PRTG: variants seen among roughly 807,000 people sequenced by gnomAD.
The protein encoded by PRTG is immunoglobulin superfamily, DCC subclass, member 5.
In PRTG, 67 loss-of-function variants were observed where a neutral mutation model predicts 122.5. The ratio of observed to expected loss-of-function variants is 0.55; its 90% CI spans 0.45 to 0.67. The LOEUF is 0.67. PRTG is among the 30% of genes least tolerant of loss of function. The pLI is 0.00. For missense variants in PRTG, 1,435 were observed against 1,415.4 expected (o/e 1.01, Z -0.22); for synonymous variants, 554 against 501.1 (o/e 1.11, Z -1.41).
Position 55,743,124 on chromosome 15 carries a change from G to C in PRTG, c.-193C>G. ...CGGACGGCCGCTCGCGAGAAGCAAG[G>C]GGCCTGAGAGTCCGGCTGGGGGCGG... On this transcript the variant is annotated 5_prime_UTR_variant, in exon 1 of 20. Transcript: ENST00000389286. 3 of 1,262,760 alleles carry C rather than the reference G, an allele frequency of 2.4e-6. No individual in the cohort carries two copies. Among genetic ancestry groups the C allele is most frequent in the Non-Finnish European group, 3.0e-6 (3 of 1,007,922 alleles). 78.2% of individuals were successfully genotyped at this position (1,262,760 alleles called of 1,614,324 possible). A position where few individuals can be genotyped will look rare whatever the true frequency, so the allele number is the denominator to read the frequency against.
chr15:55,738,856 G>A (rs2031520342), intron 2 of PRTG, among the ~76,000 whole-genome samples: 1 of 143,096 alleles, frequency 7.0e-6, no homozygotes, highest in Admixed American at 7.1e-5. Context: ...AGGCAGAGGA[G>A]GGGAGGGAAG....
At chr15:55,701,149 G>A (rs2059661126) in intron 2 of PRTG, among the ~76,000 whole-genome samples, 1 of 152,180 alleles carries the variant, frequency 6.6e-6, no homozygotes, top group South Asian at 2.1e-4. Flanking sequence ...TGGAGTACCT[G>A]GAACTCTGAT....
chr15:55,734,967 G>A (rs1595686448), intron 2 of PRTG, among the ~76,000 whole-genome samples: 1 of 152,132 alleles, frequency 6.6e-6, no homozygotes, highest in Non-Finnish European at 1.5e-5. Context: ...TCTGCTCTGT[G>A]CAGCATACCA....
chr15:55,668,790 C>A (rs1432155681), intron 11 of PRTG, among the ~76,000 whole-genome samples: 2 of 152,008 alleles, frequency 1.3e-5, no homozygotes, highest in Non-Finnish European at 2.9e-5. Flanking sequence ...ATGAAAGACA[C>A]AATAATCTTT....
At chr15:55,701,500 C>A (rs978690027) in intron 2 of PRTG, among the ~76,000 whole-genome samples, 6 of 152,106 alleles carry the variant, frequency 3.9e-5, no homozygotes, top group African/African-American at 1.4e-4. Context: ...CGCCACTGCA[C>A]CCCAGCCTGG....
intron 2 of PRTG, among the ~76,000 whole-genome samples, chr15:55,689,973 A>T (rs1359568328): frequency 1.3e-5 from 2 of 152,158 alleles, no homozygotes; most frequent in African/African-American, 4.8e-5. Flanking sequence ...TTCAAAACCA[A>T]ACTGTTTTTA....
At chr15:55,710,474 T>C (rs1412788404) in intron 2 of PRTG, among the ~76,000 whole-genome samples, 3 of 152,200 alleles carry the variant, frequency 2.0e-5, no homozygotes, top group African/African-American at 7.2e-5. Flanking sequence ...ACCACTAAAT[T>C]ACTCACATTC....
At chr15:55,656,741 C>G (rs1287010407) in intron 11 of PRTG, among the ~76,000 whole-genome samples, 1 of 152,226 alleles carries the variant, frequency 6.6e-6, no homozygotes, top group African/African-American at 2.4e-5. Context: ...ATCTCCTGAC[C>G]TCATGATCTG....
chr15:55,679,140 A>G (rs1335892619), intron 7 of PRTG, 146 bp downstream of exon 7: 10 of 567,894 alleles, frequency 1.8e-5, no homozygotes, highest in Non-Finnish European at 2.5e-5. Flanking sequence ...TGATAATGTT[A>G]TAAGTCTTAA....
At chr15:55,620,820 C>CT (rs1343055616) in intron 18 of PRTG, 53 bp from the exon 19 acceptor site, 13 of 1,464,456 alleles carry the variant, frequency 8.9e-6, no homozygotes, top group Non-Finnish European at 1.2e-5. Flanking sequence ...ACAGATTTCA[C>CT]TTTATCACAA....
At chr15:55,699,596 A>G (rs145503067) in intron 2 of PRTG, among the ~76,000 whole-genome samples, 5 of 152,342 alleles carry the variant, frequency 3.3e-5, no homozygotes, top group African/African-American at 1.2e-4. Context: ...TATTTTGTAC[A>G]TTTCAGTTCT....
intron 2 of PRTG, among the ~76,000 whole-genome samples, chr15:55,718,329 C>T (rs1193547170): frequency 6.6e-6 from 1 of 152,074 alleles, no homozygotes; most frequent in African/African-American, 2.4e-5. Flanking sequence ...ACACATCCGT[C>T]CCTCCCTAGT....
intron 2 of PRTG, among the ~76,000 whole-genome samples, chr15:55,732,824 T>A (rs2031282269): frequency 6.6e-6 from 1 of 152,100 alleles, no homozygotes; most frequent in African/African-American, 2.4e-5. Flanking sequence ...TTTCAATGTA[T>A]TATGTGTGTG....
intron 2 of PRTG, among the ~76,000 whole-genome samples, chr15:55,735,026 CT>C (rs1391357040): frequency 6.6e-6 from 1 of 152,106 alleles, no homozygotes; most frequent in African/African-American, 2.4e-5. Flanking sequence ...CAGCATCTTC[CT>C]TTTCCTTTCT....
intron 11 of PRTG, among the ~76,000 whole-genome samples, chr15:55,663,805 G>C (rs2059423088): frequency 7.9e-5 from 12 of 152,098 alleles, no homozygotes; most frequent in Admixed American, 7.9e-4. Flanking sequence ...GCCTCCCAAA[G>C]TGCTGGGATT....
chr15:55,715,036 AT>A (rs1449749405), intron 2 of PRTG, among the ~76,000 whole-genome samples: 2 of 152,168 alleles, frequency 1.3e-5, no homozygotes, highest in Non-Finnish European at 2.9e-5. Flanking sequence ...AAACAAAAAT[AT>A]TTTTCATACT....
intron 2 of PRTG, among the ~76,000 whole-genome samples, chr15:55,711,229 T>C (rs2030375630): frequency 6.6e-6 from 1 of 152,002 alleles, no homozygotes; most frequent in Non-Finnish European, 1.5e-5. Context: ...GCCTAAAGGA[T>C]TTAATCTTAT....
chr15:55,652,113 C>G (rs2059356090), intron 11 of PRTG, among the ~76,000 whole-genome samples: 1 of 152,256 alleles, frequency 6.6e-6, no homozygotes, highest in East Asian at 1.9e-4. Context: ...AAATTGTTTA[C>G]TTAAAATGCT....
chr15:55,629,030 A>ATTTTT (rs2059211035), intron 15 of PRTG, 26 bp from the exon 16 acceptor site: 1 of 1,504,494 alleles, frequency 6.6e-7, no homozygotes, highest in Non-Finnish European at 9.1e-7. Flanking sequence ...TTACAAATTA[A>ATTTTT]GTGAACATTT....
Sources: allele counts gnomAD v4.1 joint callset (sites outside exome capture counted in the v4.1 genomes callset), GRCh38; gene constraint gnomAD v4.1.1; transcripts MANE v1.5; gene names NCBI Gene and HGNC (gene_info 2026-07-23, HGNC 2026-07-21).